Variants in TUBGCP2 observed in about 807,000 individuals in gnomAD.
TUBGCP2 encodes the protein gamma-tubulin complex component 2.
A neutral mutation model predicts 92.2 loss-of-function variants in TUBGCP2; 55 were observed. The ratio of observed to expected loss-of-function variants is 0.60; its 90% CI spans 0.48 to 0.75. The LOEUF is 0.75. TUBGCP2 is among the 30% of genes least tolerant of loss of function. TUBGCP2 has a pLI of 0.00. For missense variants in TUBGCP2, 1,093 were observed against 1,188.9 expected, an observed-to-expected ratio of 0.92 and a Z score of 1.19; for synonymous variants, 533 against 505.2, an observed-to-expected ratio of 1.06 and a Z score of -0.74.
Position 133,283,070 on chromosome 10 carries a change from C to A in TUBGCP2, c.2289+8G>T. 3 of 1,614,132 alleles carry A rather than the reference C, an allele frequency of 1.9e-6. No homozygotes were observed. The highest frequency in any genetic ancestry group is 2.5e-6 in the Non-Finnish European group (3 of 1,180,014). ...GCCCACCCGATGGTGCTACCCACACCCACGCACCTGCATGCAGTTGGTGAA... is the reference window on the plus strand; with the variant it reads ...GCCCACCCGATGGTGCTACCCACACACACGCACCTGCATGCAGTTGGTGAA... On this transcript the variant is annotated splice_region_variant and intron_variant, in intron 15 of 17. Coordinates refer to ENST00000252936, the MANE Select transcript of TUBGCP2 (RefSeq NM_006659.4).
At chr10:133,283,597 G>A (rs528441330) in intron 14 of TUBGCP2, among the ~76,000 whole-genome samples, 1 of 136,830 alleles carries the variant, frequency 7.3e-6, no homozygotes, top group East Asian at 2.0e-4. Flanking sequence ...GGCCAGCAGT[G>A]TGGGTGCAGC....
chr10:133,284,950 G>A (rs981663378), intron 13 of TUBGCP2, 135 bp downstream of exon 13: 325 of 1,333,820 alleles, frequency 2.4e-4, no homozygotes, highest in Non-Finnish European at 3.0e-4. Flanking sequence ...AGCCACCAAC[G>A]TGCGCTTCCA....
chr10:133,285,709 A>G lies in TUBGCP2; in HGVS notation c.1723-81T>C. The G allele has an allele frequency of 7.2e-7, 1 of 1,383,554 alleles. No homozygotes were observed. The highest frequency in any genetic ancestry group is 9.5e-7 in the Non-Finnish European group (1 of 1,048,698). The allele number at this position is 1,383,554 out of a possible 1,614,324, so 85.7% of individuals were successfully genotyped here. On this transcript the variant is annotated intron_variant, in intron 11 of 17. Coordinates refer to ENST00000252936, the MANE Select transcript of TUBGCP2 (RefSeq NM_006659.4). The surrounding 1 kb of genome is among the most constrained non-coding windows in gnomAD (Gnocchi z 6.8). ...CGCATCCCGATCGCCATCCTCGCTC[A>G]CAGACCCAGCGCTGACGTAAGGTTC... is the stretch of plus-strand genomic sequence containing the variant.
At chr10:133,308,970 C>G (rs1397467946), upstream of TUBGCP2, 1 of 1,242,480 alleles carries the variant, frequency 8.0e-7, no homozygotes, top group Non-Finnish European at 1.0e-6. Context: ...CGCTGTGCGC[C>G]CGCCTCGCTG....
chr10:133,309,306 T>C (rs1034695903), upstream of TUBGCP2: 3 of 1,502,342 alleles, frequency 2.0e-6, no homozygotes, highest in Non-Finnish European at 2.7e-6. Context: ...GCGGGATGAC[T>C]GGGGCCACGG....
Position 133,291,928 on chromosome 10 carries a change from CCCATGTCCCT to C in TUBGCP2, c.1214+561_1214+570del, listed in dbSNP as rs1288123949. On this transcript the variant is annotated intron_variant, in intron 8 of 17. Coordinates refer to ENST00000252936, the MANE Select transcript of TUBGCP2 (RefSeq NM_006659.4). ...GTGTCCCCCATGTCCCTCCGTGTCC[CCCATGTCCCT>C]CCGTGTCCCTCCGTGTCCCCGTGTC... Among the ~76,000 whole-genome samples the C allele has an allele frequency of 1.5e-4, 5 of 32,780 alleles. 1 individual carries two copies. The highest frequency in any genetic ancestry group is 2.3e-4 in the Non-Finnish European group (4 of 17,636). The allele number at this position is 32,780 out of a possible 152,430, so 21.5% of individuals were successfully genotyped here.
upstream of TUBGCP2, chr10:133,312,157 A>G: frequency 1.5e-6 from 2 of 1,372,032 alleles, no homozygotes; most frequent in Non-Finnish European, 9.5e-7. Flanking sequence ...GTCTGCCTTA[A>G]TAGCATCACC....
intron 1 of TUBGCP2, among the ~76,000 whole-genome samples, chr10:133,305,460 C>T (rs1245105704): frequency 1.3e-5 from 2 of 152,144 alleles, no homozygotes; most frequent in East Asian, 3.9e-4. Context: ...CACTACCGGT[C>T]TCTGCGTCTT....
At chr10:133,309,466 A>T, upstream of TUBGCP2, 3 of 1,611,738 alleles carry the variant, frequency 1.9e-6, no homozygotes, top group African/African-American at 2.7e-5. Flanking sequence ...AAGCCCAGGT[A>T]AGCGAATGGG....
intron 11 of TUBGCP2, among the ~76,000 whole-genome samples, chr10:133,286,320 T>C (rs995547264): frequency 2.0e-5 from 3 of 152,196 alleles, no homozygotes; most frequent in African/African-American, 7.2e-5. Context: ...ACAAGGGCCA[T>C]GTATTGTGAC....
chr10:133,284,523 A>C (rs1485375486), intron 13 of TUBGCP2, among the ~76,000 whole-genome samples: 1 of 152,054 alleles, frequency 6.6e-6, no homozygotes, highest in East Asian at 1.9e-4. Context: ...CGGCTAATTA[A>C]AATAATTTTC....
chr10:133,293,756 C>T lies in TUBGCP2; in HGVS notation c.630G>A (p.Leu210=), dbSNP rs1169599131. ...CCACCACGGCCGACTCCTGCGAGGCCAGGGGCAACGTGCCTGCGGGCACAG... is the reference window on the plus strand; with the variant it reads ...CCACCACGGCCGACTCCTGCGAGGCTAGGGGCAACGTGCCTGCGGGCACAG... The part of the protein sequence containing the change: ...DTALPIGTLP[L]ASQESAVVED... The change falls in exon 6 of 18, where the codon CTG becomes CTA. Residue 210 remains leucine (L), a synonymous_variant. Transcript: ENST00000252936. 1 of 1,591,256 alleles carries T rather than the reference C, an allele frequency of 6.3e-7. No homozygotes were observed. Among genetic ancestry groups the T allele is most frequent in the Non-Finnish European group, 8.5e-7 (1 of 1,169,928 alleles).
intron 14 of TUBGCP2, among the ~76,000 whole-genome samples, 196 bp downstream of exon 14, chr10:133,283,682 TCTCC>T (rs1399690024): frequency 2.6e-3 from 16 of 6,044 alleles, no homozygotes; most frequent in Admixed American, 0.013. Flanking sequence ...ACTCCCTGCC[TCTCC>T]CGCATTCCCT....
At chr10:133,304,121 C>T (rs1029664833) in intron 1 of TUBGCP2, among the ~76,000 whole-genome samples, 1 of 152,118 alleles carries the variant, frequency 6.6e-6, no homozygotes, top group South Asian at 2.1e-4. Context: ...TCACTCGAGG[C>T]CAGGAGTCAA....
chr10:133,287,561 G>A (rs1847160981), intron 11 of TUBGCP2, among the ~76,000 whole-genome samples: 1 of 152,076 alleles, frequency 6.6e-6, no homozygotes, highest in African/African-American at 2.4e-5. Context: ...GGGAAACATG[G>A]TGAAACCCCA....
intron 8 of TUBGCP2, chr10:133,291,003 C>T (rs11101679): frequency 0.012 from 2,120 of 176,860 alleles, 18 homozygotes; most frequent in Non-Finnish European, 0.015. Context: ...TTAAATATAT[C>T]GCACTGAAGA....
chr10:133,297,801 C>A (rs1847524715), intron 5 of TUBGCP2, 151 bp downstream of exon 5: 3 of 1,196,474 alleles, frequency 2.5e-6, no homozygotes, highest in African/African-American at 1.5e-5. Flanking sequence ...GCCTCACAAC[C>A]TGAGGAAAGG....
chr10:133,312,253 C>T, upstream of TUBGCP2: 3 of 1,336,336 alleles, frequency 2.2e-6, no homozygotes, highest in Non-Finnish European at 2.9e-6. Context: ...ATGACCTGTG[C>T]CGTCTGCCTT....
At chr10:133,302,670 C>A (rs909338435) in intron 2 of TUBGCP2, 122 bp downstream of exon 2, 28 of 1,284,484 alleles carry the variant, frequency 2.2e-5, no homozygotes, top group Non-Finnish European at 2.7e-5. Flanking sequence ...TCACCCTGTA[C>A]CACCCTGACC....
Sources: gnomAD v4.1 joint callset for allele counts (sites outside exome capture counted in the v4.1 genomes callset) on GRCh38, gnomAD v4.1.1 for gene constraint, Gnocchi (gnomAD v3.1) non-coding constraint, MANE v1.5 for transcripts, NCBI Gene and HGNC (gene_info 2026-07-23, HGNC 2026-07-21) for gene names.